The following TPO variants were observed in gnomAD, a reference collection of about 807,000 sequenced individuals.
The protein encoded by TPO is thyroid peroxidase.
A neutral mutation model predicts 96.9 loss-of-function variants in TPO; 78 were observed. The observed-to-expected ratio is 0.81, with a 90% CI of 0.67 to 0.97. The LOEUF (loss-of-function observed/expected upper bound fraction) is 0.97. TPO is among the 50% of genes least tolerant of loss of function. The pLI, the probability that TPO is intolerant of heterozygous loss-of-function variation, is 0.00. For synonymous variants in TPO, 547 were observed against 538.0 expected (o/e 1.02, Z -0.23); for missense variants, 1,252 against 1,274.8 (o/e 0.98, Z 0.27).
At chr2:1,432,551 CT>C (rs1665098003) in intron 3 of TPO, among the ~76,000 whole-genome samples, 2 of 128,162 alleles carry the variant, frequency 1.6e-5, no homozygotes, top group South Asian at 2.8e-4. Flanking sequence ...GAGGAGAGGC[CT>C]GCAGGTGGGG....
chr2:1,438,198 C>T (rs11891272), intron 5 of TPO, among the ~76,000 whole-genome samples: 7,858 of 150,810 alleles, frequency 0.052, 575 homozygotes, highest in African/African-American at 0.15. Flanking sequence ...GGGACAGTGG[C>T]GTTGGAGATG....
chr2:1,530,497 G>C (rs1362714239), intron 15 of TPO, among the ~76,000 whole-genome samples: 2 of 108,612 alleles, frequency 1.8e-5, no homozygotes, highest in Non-Finnish European at 1.8e-5. Flanking sequence ...CCCTCACTCT[G>C]TGCAACCTCC....
At chr2:1,465,401 C>T (rs1264817183) in intron 7 of TPO, among the ~76,000 whole-genome samples, 3 of 152,044 alleles carry the variant, frequency 2.0e-5, no homozygotes, top group South Asian at 2.1e-4. Context: ...TGGTTCCATA[C>T]GAATTTTAGG....
intron 8 of TPO, among the ~76,000 whole-genome samples, chr2:1,480,791 A>ACGTC (rs1263454783): frequency 5.3e-5 from 8 of 151,676 alleles, no homozygotes; most frequent in East Asian, 3.9e-4. Flanking sequence ...CGTCCACACC[A>ACGTC]CCTTCCTCCT....
At chr2:1,509,420 C>T (rs1047185215) in intron 14 of TPO, among the ~76,000 whole-genome samples, 3 of 150,868 alleles carry the variant, frequency 2.0e-5, no homozygotes, top group East Asian at 1.9e-4. Flanking sequence ...GACACCACAC[C>T]CTCTTGTTTC....
chr2:1,494,007 G>A lies in TPO; in HGVS notation c.1974G>A (p.Gly658=), dbSNP rs1672073889. ...GGCCCCTGTTTGCCTGTCTCATTGG[G>A]AAGCAGATGAAGGCTCTGCGGGACG... The part of the protein sequence containing the change: ...RTGPLFACLI[G]KQMKALRDGD... Residue 658 remains glycine (G), a synonymous_variant, in exon 11 of 17, where the codon GGG becomes GGA. Coordinates refer to ENST00000329066, the MANE Select transcript of TPO (RefSeq NM_001206744.2). 1.2e-6 allele frequency: 2 copies of A among 1,614,044 alleles called. No individual in the cohort carries two copies. The highest frequency in any genetic ancestry group is 2.7e-5 in the African/African-American group (2 of 74,936).
chr2:1,530,610 T>A (rs1677890952), intron 15 of TPO, among the ~76,000 whole-genome samples: 1 of 67,340 alleles, frequency 1.5e-5, no homozygotes, highest in Non-Finnish European at 2.6e-5. Context: ...CCCCACACTC[T>A]GTGCAACCTC....
rs147601654 is a variant in TPO at position 1,407,431 on chromosome 2, T to C, written n.180+33029T>C. ...TTTCAAAGTGCATCTCTGAATTGTTTCTCGAATTGACCAAGCAGATGTGTC... is the reference window on the plus strand; with the variant it reads ...TTTCAAAGTGCATCTCTGAATTGTTCCTCGAATTGACCAAGCAGATGTGTC... On this transcript the variant is annotated intron_variant and non_coding_transcript_variant, in intron 1 of 5. Transcript: ENST00000497517. Among the ~76,000 whole-genome samples the C allele has an allele frequency of 3.6e-3, 555 of 152,326 alleles. 2 individuals carry two copies. Among genetic ancestry groups the C allele is most frequent in the Non-Finnish European group, 5.7e-3 (390 of 68,034 alleles).
chr2:1,531,148 TGCAACCTCCCCAAATCCCCCCCACTGTGA>T (rs1396894537), intron 15 of TPO, among the ~76,000 whole-genome samples: 4 of 69,812 alleles, frequency 5.7e-5, no homozygotes, highest in Non-Finnish European at 7.7e-5. Context: ...CCCCACTGTG[TGCAACCTCCCCAAATCCCCCCCACTGTGA>T]GCAACCTCCC....
intron 4 of TPO, 53 bp from the exon 5 acceptor site, chr2:1,436,199 T>G (rs935612797): frequency 2.9e-5 from 47 of 1,613,584 alleles, no homozygotes; most frequent in Admixed American, 1.2e-4. Context: ...GAATATTTGT[T>G]AGGTGGATTT....
rs754256920 is a variant in TPO at position 1,423,040 on chromosome 2, C to T, written c.95-5C>T. ...GCTTTGACTGTGTGACATTCTGTTC[C>T]GTAGGAAAGCCTGAGGAGTCTCGTG... is the stretch of plus-strand genomic sequence containing the variant. On this transcript the variant is annotated splice_polypyrimidine_tract_variant and splice_region_variant and intron_variant, in intron 2 of 16. Transcript: ENST00000329066. 3.7e-6 allele frequency: 6 copies of T among 1,613,904 alleles called. No homozygotes were observed. In the African/African-American group the frequency reaches 5.3e-5, roughly 14 times the overall value.
chr2:1,471,053 CT>C (rs1253800569), intron 7 of TPO, among the ~76,000 whole-genome samples: 2 of 152,214 alleles, frequency 1.3e-5, no homozygotes, highest in African/African-American at 4.8e-5. Context: ...CTACAGTGCT[CT>C]TTTCCGATGC....
chr2:1,460,135 C>T (rs983094443), intron 7 of TPO, among the ~76,000 whole-genome samples: 1 of 151,962 alleles, frequency 6.6e-6, no homozygotes, highest in Non-Finnish European at 1.5e-5. Context: ...GGGGTTTCAT[C>T]GTGTTGGCCA....
intron 7 of TPO, among the ~76,000 whole-genome samples, chr2:1,473,857 TATCCTC>T (rs1400731269): frequency 6.6e-6 from 1 of 152,174 alleles, no homozygotes; most frequent in East Asian, 1.9e-4. Flanking sequence ...GTTTTATACT[TATCCTC>T]AGATCGAAGA....
At chr2:1,493,092 G>A (rs1671931228) in intron 10 of TPO, among the ~76,000 whole-genome samples, 1 of 151,970 alleles carries the variant, frequency 6.6e-6, no homozygotes, top group African/African-American at 2.4e-5. Context: ...AGGAGGAGGA[G>A]TGAGAAGAGA....
Position 1,535,466 on chromosome 2 carries a change from A to T in TPO, c.2619-5128A>T, listed in dbSNP as rs1477989442. Among the ~76,000 whole-genome samples the T allele has an allele frequency of 2.6e-5, 2 of 76,810 alleles. 1 individual carries two copies. Among genetic ancestry groups the T allele is most frequent in the Non-Finnish European group, 5.1e-5 (2 of 39,246 alleles). The allele number at this position is 76,810 out of a possible 152,430, so 50.4% of individuals were successfully genotyped here. ...CCCCCACTCTGTGCAACCTCCCCAA[A>T]TCAGCCCCACTCCGTGCAACCTCCG... On this transcript the variant is annotated intron_variant, in intron 15 of 16. Transcript: ENST00000329066.
chr2:1,508,888 A>G (rs1425480344), intron 14 of TPO, among the ~76,000 whole-genome samples: 1 of 152,074 alleles, frequency 6.6e-6, no homozygotes, highest in Non-Finnish European at 1.5e-5. Context: ...TATTTCCTTC[A>G]GTTCTGCTCT....
intron 1 of TPO, among the ~76,000 whole-genome samples, chr2:1,383,504 G>T (rs868663106): frequency 2.0e-5 from 3 of 152,268 alleles, no homozygotes; most frequent in African/African-American, 4.8e-5. Context: ...TCATGTGTCT[G>T]TTGGCTGCAT....
chr2:1,502,887 G>A (rs181703323), intron 13 of TPO, among the ~76,000 whole-genome samples: 4 of 152,294 alleles, frequency 2.6e-5, no homozygotes, highest in South Asian at 2.1e-4. Flanking sequence ...AGCCTCCCCC[G>A]GGGTTAGGAG....
Sources: allele counts gnomAD v4.1 joint callset (sites outside exome capture counted in the v4.1 genomes callset), GRCh38; gene constraint gnomAD v4.1.1; transcripts MANE v1.5; gene names NCBI Gene and HGNC (gene_info 2026-07-23, HGNC 2026-07-21).